The following KPNA6 variants were observed in gnomAD, a reference collection of about 807,000 sequenced individuals.
KPNA6 encodes karyopherin subunit alpha 6.
In KPNA6, 9 loss-of-function variants were observed where a neutral mutation model predicts 72.0. The ratio of observed to expected loss-of-function variants is 0.13; its 90% CI spans 0.08 to 0.22. KPNA6 has a LOEUF of 0.22. Among genes scored for constraint, KPNA6 ranks in the 10% least tolerant of loss-of-function variants. The pLI is 1.00. For synonymous variants in KPNA6, 219 were observed against 242.1 expected, an observed-to-expected ratio of 0.90 and a Z score of 0.89; for missense variants, 374 against 655.7, an observed-to-expected ratio of 0.57 and a Z score of 4.69.
At chr1:32,112,043 C>T (rs1490410743) in intron 1 of KPNA6, among the ~76,000 whole-genome samples, 1 of 152,206 alleles carries the variant, frequency 6.6e-6, no homozygotes, top group African/African-American at 2.4e-5. Flanking sequence ...GTAACTCTAG[C>T]TCCCTAGACA....
At chr1:32,109,157 C>G (rs1233193806) in intron 1 of KPNA6, among the ~76,000 whole-genome samples, 2 of 152,172 alleles carry the variant, frequency 1.3e-5, no homozygotes, top group Non-Finnish European at 2.9e-5. Context: ...ACTCCCAAGC[C>G]TAGTTTGTAA....
chr1:32,166,313 A>T, intron 11 of KPNA6, 83 bp downstream of exon 11: 1 of 1,489,838 alleles, frequency 6.7e-7, no homozygotes, highest in Non-Finnish European at 9.0e-7. Context: ...CAGAAGAAAG[A>T]ATTTGTTTCC....
chr1:32,131,160 G>T (rs1033955981), intron 1 of KPNA6, among the ~76,000 whole-genome samples: 2 of 152,152 alleles, frequency 1.3e-5, no homozygotes, highest in Admixed American at 1.3e-4. Context: ...CAGGCCTGGT[G>T]GCGGGCGTCT....
chr1:32,139,608 T>A (rs536904243), intron 1 of KPNA6, among the ~76,000 whole-genome samples: 1 of 152,338 alleles, frequency 6.6e-6, no homozygotes, highest in South Asian at 2.1e-4. Context: ...TGTGAGGCGT[T>A]CTATAAGAAA....
intron 1 of KPNA6, among the ~76,000 whole-genome samples, chr1:32,144,283 T>C (rs944030392): frequency 1.3e-4 from 20 of 152,176 alleles, no homozygotes; most frequent in Non-Finnish European, 2.9e-4. Context: ...ATGATTCATG[T>C]CCCAGGTGGA....
rs41263989 is a variant in KPNA6 at position 32,174,036 on chromosome 1, C to T, written c.*3142C>T. 0.016 allele frequency: 2,461 copies of T among 152,408 alleles called. 27 individuals are homozygous for T. The highest frequency in any genetic ancestry group is 0.024 in the Non-Finnish European group (1,637 of 68,098). 9.4% of individuals were successfully genotyped at this position (152,408 alleles called of 1,614,324 possible). A position where few individuals can be genotyped will look rare whatever the true frequency, so the allele number is the denominator to read the frequency against. On this transcript the variant is annotated 3_prime_UTR_variant, in exon 14 of 14. Coordinates refer to ENST00000373625, the MANE Select transcript of KPNA6 (RefSeq NM_012316.5). Reference sequence around the variant, plus strand: ...ACAGGGTGTCTGGTCTTAGAAGCCTCCCTTCAGATCCCAGCTGACCCTGGT... The same window carrying T: ...ACAGGGTGTCTGGTCTTAGAAGCCTTCCTTCAGATCCCAGCTGACCCTGGT...
intron 4 of KPNA6, 103 bp from the exon 5 acceptor site, chr1:32,158,164 T>A: frequency 1.4e-6 from 1 of 699,664 alleles, no homozygotes; most frequent in Non-Finnish European, 2.5e-6. Context: ...GGAATGTTTG[T>A]AAGGGTGGTC....
chr1:32,128,125 A>G (rs1211106084), intron 1 of KPNA6, among the ~76,000 whole-genome samples: 1 of 151,932 alleles, frequency 6.6e-6, no homozygotes, highest in African/African-American at 2.4e-5. Flanking sequence ...AAGTGTTCCT[A>G]GAAAGGTAAG....
chr1:32,167,995 C>A (rs1642370623), intron 12 of KPNA6, among the ~76,000 whole-genome samples: 1 of 152,108 alleles, frequency 6.6e-6, no homozygotes, highest in East Asian at 1.9e-4. Flanking sequence ...GGGACTTTGT[C>A]TCATGTGTAC....
In KPNA6 at chr1:32,172,460, CCTATTAT is replaced by C. The variant is rs1187065362; in HGVS notation, c.*1575_*1581del. On this transcript the variant is annotated 3_prime_UTR_variant, in exon 14 of 14. Coordinates refer to ENST00000373625, the MANE Select transcript of KPNA6 (RefSeq NM_012316.5). ...TAACTGATCACCCATGGCTGCCTCT[CCTATTAT>C]CTATTATCACTGAAACTTAGTAGCC... is the stretch of plus-strand genomic sequence containing the variant. 6.6e-6 allele frequency: 1 copy of C among 151,362 alleles called. No individual in the cohort carries two copies. The highest frequency in any genetic ancestry group is 1.5e-5 in the Non-Finnish European group (1 of 67,950). The allele number at this position is 151,362 out of a possible 1,614,324, so 9.4% of individuals were successfully genotyped here. A position where few individuals can be genotyped will look rare whatever the true frequency, so the allele number is the denominator to read the frequency against.
chr1:32,159,266 T>C (rs1642196259), intron 5 of KPNA6, 134 bp from the exon 6 acceptor site: 2 of 858,450 alleles, frequency 2.3e-6, no homozygotes, highest in Admixed American at 5.1e-5. Flanking sequence ...GGCAAGAGGC[T>C]TGCTTGTGTT....
chr1:32,140,488 A>T (rs1641818282), intron 1 of KPNA6, among the ~76,000 whole-genome samples: 1 of 152,240 alleles, frequency 6.6e-6, no homozygotes, highest in Admixed American at 6.5e-5. Context: ...TACAGTTAAA[A>T]ATATAGCTAT....
At chr1:32,119,423 C>G (rs1641392600) in intron 1 of KPNA6, among the ~76,000 whole-genome samples, 1 of 152,064 alleles carries the variant, frequency 6.6e-6, no homozygotes, top group Non-Finnish European at 1.5e-5. Context: ...GAAACTCATA[C>G]TTTTAGGACC....
chr1:32,161,297 A>G (rs1642233317), intron 7 of KPNA6, among the ~76,000 whole-genome samples: 1 of 152,172 alleles, frequency 6.6e-6, no homozygotes. Flanking sequence ...ACCTGGAAAA[A>G]TCCAACCTTC....
chr1:32,122,378 C>CA (rs774610926), intron 1 of KPNA6, among the ~76,000 whole-genome samples: 1,132 of 81,834 alleles, frequency 0.014, 9 homozygotes, highest in African/African-American at 0.024. Context: ...AGAGAACAAG[C>CA]AAAAAAAAAA....
intron 12 of KPNA6, 124 bp from the exon 13 acceptor site, chr1:32,169,758 C>A: frequency 1.2e-6 from 1 of 862,088 alleles, no homozygotes; most frequent in Non-Finnish European, 1.7e-6. Context: ...CCGCGCTCGG[C>A]CTCACAATTC....
chr1:32,125,310 C>T (rs1641512826), intron 1 of KPNA6, among the ~76,000 whole-genome samples: 1 of 152,130 alleles, frequency 6.6e-6, no homozygotes, highest in African/African-American at 2.4e-5. Flanking sequence ...AAAAGTAAAA[C>T]AATTTGAAAC....
intron 12 of KPNA6, among the ~76,000 whole-genome samples, chr1:32,167,914 C>G (rs989806982): frequency 6.6e-6 from 1 of 151,644 alleles, no homozygotes; most frequent in Non-Finnish European, 1.5e-5. Context: ...GTCTGTTATC[C>G]CAGCACCTTG....
At chr1:32,131,162 C>T (rs556510724) in intron 1 of KPNA6, among the ~76,000 whole-genome samples, 9 of 152,186 alleles carry the variant, frequency 5.9e-5, no homozygotes, top group East Asian at 3.9e-4. Flanking sequence ...GGCCTGGTGG[C>T]GGGCGTCTGT....
Sources: allele counts gnomAD v4.1 joint callset (sites outside exome capture counted in the v4.1 genomes callset), GRCh38; gene constraint gnomAD v4.1.1; transcripts MANE v1.5; gene names NCBI Gene and HGNC (gene_info 2026-07-23, HGNC 2026-07-21).